GPC6: variants seen among roughly 807,000 people sequenced by gnomAD.
GPC6 encodes the protein glypican-6.
In GPC6, 14 loss-of-function variants were observed where a neutral mutation model predicts 55.2. The observed-to-expected ratio is 0.25, with a 90% CI of 0.17 to 0.40. The LOEUF (loss-of-function observed/expected upper bound fraction) is 0.40, where lower values mean the gene tolerates loss of function less well. Among genes scored for constraint, GPC6 ranks in the 10% least tolerant of loss-of-function variants. The pLI is 1.00. For synonymous variants in GPC6, 278 were observed against 259.6 expected (o/e 1.07, Z -0.68); for missense variants, 641 against 708.5 (o/e 0.90, Z 1.08).
chr13:94,070,168 C>T (rs1486684223), intron 4 of GPC6, among the ~76,000 whole-genome samples: 9 of 152,086 alleles, frequency 5.9e-5, no homozygotes, highest in African/African-American at 1.9e-4. Flanking sequence ...ACAAGGATGG[C>T]GGCAGGCAAA....
At chr13:93,913,544 C>G (rs1200364876) in intron 3 of GPC6, among the ~76,000 whole-genome samples, 2 of 152,060 alleles carry the variant, frequency 1.3e-5, no homozygotes, top group Non-Finnish European at 2.9e-5. Context: ...TAAATTTAGC[C>G]ATTTTCTCTC....
At chr13:94,294,730 G>A (rs1875231216) in intron 5 of GPC6, among the ~76,000 whole-genome samples, 1 of 151,974 alleles carries the variant, frequency 6.6e-6, no homozygotes, top group South Asian at 2.1e-4. Flanking sequence ...CAGATATCAG[G>A]ATTAGTTTAG....
intron 3 of GPC6, among the ~76,000 whole-genome samples, chr13:93,970,911 G>A (rs932845893): frequency 1.3e-5 from 2 of 152,192 alleles, no homozygotes; most frequent in Non-Finnish European, 2.9e-5. Flanking sequence ...AAGATACAAT[G>A]TGGCAAAATT....
intron 2 of GPC6, among the ~76,000 whole-genome samples, chr13:93,784,319 G>C (rs1247378634): frequency 6.6e-6 from 1 of 152,166 alleles, no homozygotes; most frequent in Non-Finnish European, 1.5e-5. Flanking sequence ...GTAGTTACTG[G>C]ATCAGAACAA....
intron 1 of GPC6, among the ~76,000 whole-genome samples, chr13:93,387,994 A>G (rs4290354): frequency 1.3e-5 from 2 of 152,162 alleles, no homozygotes; most frequent in East Asian, 1.9e-4. Context: ...ATCATCCTGT[A>G]TATCTCTTTC....
intron 3 of GPC6, among the ~76,000 whole-genome samples, chr13:93,991,994 A>T (rs898575563): frequency 1.3e-5 from 2 of 151,998 alleles, no homozygotes; most frequent in Non-Finnish European, 1.5e-5. Flanking sequence ...ATACATAAAC[A>T]TATATATAAT....
chr13:94,165,238 A>G (rs1483850921), intron 4 of GPC6, among the ~76,000 whole-genome samples: 1 of 148,200 alleles, frequency 6.7e-6, no homozygotes, highest in East Asian at 1.9e-4. Flanking sequence ...CTATTCATAT[A>G]TATATGTATA....
intron 4 of GPC6, among the ~76,000 whole-genome samples, chr13:94,138,393 C>T (rs1887259939): frequency 6.6e-6 from 1 of 152,134 alleles, no homozygotes; most frequent in South Asian, 2.1e-4. Context: ...ATCTTTATAT[C>T]TCAAAGAACT....
intron 2 of GPC6, among the ~76,000 whole-genome samples, chr13:93,708,738 A>G (rs149070413): frequency 2.4e-4 from 37 of 151,868 alleles, no homozygotes; most frequent in Admixed American, 2.4e-3. Flanking sequence ...AAGCATATTT[A>G]TGGTAAGCCA....
chr13:93,504,055 G>A (rs1467082211), intron 1 of GPC6, among the ~76,000 whole-genome samples: 4 of 152,042 alleles, frequency 2.6e-5, no homozygotes, highest in African/African-American at 9.7e-5. Context: ...TACAAAAAGT[G>A]CATTTTACTT....
intron 4 of GPC6, among the ~76,000 whole-genome samples, chr13:94,227,316 A>G (rs1033430731): frequency 3.3e-5 from 5 of 152,316 alleles, no homozygotes; most frequent in South Asian, 2.1e-4. Context: ...TCTGTAATCT[A>G]TGTAAACCTT....
intron 2 of GPC6, among the ~76,000 whole-genome samples, chr13:93,613,571 G>T (rs1878586395): frequency 6.7e-6 from 1 of 149,700 alleles, no homozygotes; most frequent in Non-Finnish European, 1.5e-5. Flanking sequence ...ACATTCAGAA[G>T]TGTGGAGGTT....
At chr13:94,191,603 A>G (rs1369368052) in intron 4 of GPC6, among the ~76,000 whole-genome samples, 4 of 138,604 alleles carry the variant, frequency 2.9e-5, no homozygotes, top group African/African-American at 1.2e-4. Context: ...GAAATATCTT[A>G]AGCTGGAAAA....
At chr13:94,401,776 T>G (rs1314572163) in intron 8 of GPC6, among the ~76,000 whole-genome samples, 2 of 152,090 alleles carry the variant, frequency 1.3e-5, no homozygotes, top group African/African-American at 4.8e-5. Context: ...CACTTAAAAC[T>G]ATAAAAACCA....
At chr13:93,804,195 G>A (rs1317288836) in intron 2 of GPC6, among the ~76,000 whole-genome samples, 1 of 152,084 alleles carries the variant, frequency 6.6e-6, no homozygotes, top group Non-Finnish European at 1.5e-5. Context: ...AAAAATGGAT[G>A]AGGCTTTCAT....
At chr13:93,676,134 T>A (rs1410811908) in intron 2 of GPC6, among the ~76,000 whole-genome samples, 887 of 6,856 alleles carry the variant, frequency 0.13, 13 homozygotes, top group Non-Finnish European at 0.29. Context: ...AAAATATATA[T>A]ATATATATAT....
intron 4 of GPC6, among the ~76,000 whole-genome samples, chr13:94,148,340 C>T (rs1250051603): frequency 6.6e-6 from 1 of 152,068 alleles, no homozygotes; most frequent in Non-Finnish European, 1.5e-5. Flanking sequence ...CACATATTAC[C>T]AGGGATTGGA....
chr13:93,824,150 A>T (rs542678699), intron 2 of GPC6, among the ~76,000 whole-genome samples: 1 of 152,306 alleles, frequency 6.6e-6, no homozygotes, highest in Non-Finnish European at 1.5e-5. Flanking sequence ...ATACTGAGAC[A>T]ATGTAATATC....
chr13:93,536,095 AC>A (rs770914734), intron 1 of GPC6, among the ~76,000 whole-genome samples: 3 of 152,146 alleles, frequency 2.0e-5, no homozygotes, highest in East Asian at 3.9e-4. Flanking sequence ...GGAACACGGG[AC>A]TAGCATCCCA....
Sources: allele counts gnomAD v4.1 joint callset (sites outside exome capture counted in the v4.1 genomes callset), GRCh38; gene constraint gnomAD v4.1.1; transcripts MANE v1.5; gene names NCBI Gene and HGNC (gene_info 2026-07-23, HGNC 2026-07-21).